The following KCNH7 variants were observed in gnomAD, a reference collection of about 807,000 sequenced individuals.
The protein encoded by KCNH7 is voltage-gated inwardly rectifying potassium channel KCNH7.
Under a neutral mutation model 120.8 loss-of-function variants are expected in KCNH7, and 49 were observed. The observed-to-expected ratio is 0.41, with a 90% CI of 0.32 to 0.51. The LOEUF (loss-of-function observed/expected upper bound fraction) is 0.51. Among genes scored for constraint, KCNH7 ranks in the 20% least tolerant of loss-of-function variants. The pLI is 0.38. For synonymous variants in KCNH7, 547 were observed against 516.1 expected, an observed-to-expected ratio of 1.06 and a Z score of -0.81; for missense variants, 1,097 against 1,446.6, an observed-to-expected ratio of 0.76 and a Z score of 3.92.
chr2:162,755,078 C>T (rs1688739552), intron 2 of KCNH7, among the ~76,000 whole-genome samples: 1 of 152,012 alleles, frequency 6.6e-6, no homozygotes, highest in Admixed American at 6.6e-5. Flanking sequence ...AGAACAACAG[C>T]AACAAAAATT....
intron 2 of KCNH7, among the ~76,000 whole-genome samples, chr2:162,547,775 C>G (rs1271153202): frequency 7.0e-6 from 1 of 142,234 alleles, no homozygotes; most frequent in East Asian, 2.2e-4. Context: ...ACACAAAGCT[C>G]TATATTGTCC....
At chr2:162,729,620 C>A (rs943173071) in intron 2 of KCNH7, among the ~76,000 whole-genome samples, 1 of 151,990 alleles carries the variant, frequency 6.6e-6, no homozygotes, top group African/African-American at 2.4e-5. Context: ...CTTTTAATTT[C>A]TTTTTCCATG....
At chr2:162,464,504 C>T (rs16846743) in intron 6 of KCNH7, among the ~76,000 whole-genome samples, 14,227 of 151,954 alleles carry the variant, frequency 0.094, 967 homozygotes, top group African/African-American at 0.19. Context: ...GCAACTATCA[C>T]TTTCTTTCTA....
chr2:162,379,262 T>C (rs1272038657), intron 14 of KCNH7, among the ~76,000 whole-genome samples: 1 of 152,172 alleles, frequency 6.6e-6, no homozygotes, highest in Non-Finnish European at 1.5e-5. Flanking sequence ...TTCAATCTTT[T>C]TGACCACTTT....
chr2:162,641,750 TGTA>T (rs1684164615), intron 2 of KCNH7, among the ~76,000 whole-genome samples: 1 of 152,170 alleles, frequency 6.6e-6, no homozygotes, highest in South Asian at 2.1e-4. Context: ...GGTGCTATCT[TGTA>T]GTATAGTTTT....
chr2:162,423,629 A>C, intron 8 of KCNH7, 94 bp from the exon 9 acceptor site: 3 of 1,105,650 alleles, frequency 2.7e-6, no homozygotes, highest in Non-Finnish European at 3.9e-6. Flanking sequence ...TGATTATCTC[A>C]ATCTAGTGGG....
intron 2 of KCNH7, among the ~76,000 whole-genome samples, chr2:162,756,955 T>C (rs981974010): frequency 6.6e-6 from 1 of 152,164 alleles, no homozygotes; most frequent in East Asian, 1.9e-4. Context: ...ATATCAATTT[T>C]TTAAAGCCTA....
chr2:162,738,067 C>CAAAAAATA (rs1687982004), intron 2 of KCNH7, among the ~76,000 whole-genome samples: 1 of 56,026 alleles, frequency 1.8e-5, no homozygotes, highest in Non-Finnish European at 4.0e-5. Context: ...GACTTCATAT[C>CAAAAAATA]AAAAAAAAAA....
At position 162,373,620 on chromosome 2, in the gene KCNH7, C is replaced by A; in HGVS notation, c.3174G>T (p.Gln1058His). The change falls in exon 15 of 16, where the codon CAG (glutamine) becomes CAT (histidine). Residue 1058 changes from glutamine (Q) to histidine (H), a missense_variant. Physicochemically the swap from Gln to His is conservative, Grantham distance 24. This residue lies in a region of KCNH7 where 406 missense variants were observed against 410.5 expected (regional missense o/e 0.99). Transcript: ENST00000332142. ...QMTTDIQTILQLLQKQTTVVP... is the reference protein window; with the variant it reads ...QMTTDIQTILHLLQKQTTVVP... ...CCACAGTGGTTTGTTTCTGCAGCAA[C>A]TGTAAGATGGTCTGGATGTCAGTGG... The A allele has an allele frequency of 3.2e-6, 5 of 1,560,670 alleles. No individual in the cohort carries two copies. Among genetic ancestry groups the A allele is most frequent in the Non-Finnish European group, 3.5e-6 (4 of 1,151,994 alleles).
At chr2:162,784,941 T>C (rs949683297) in intron 2 of KCNH7, 1 of 152,242 alleles carries the variant, frequency 6.6e-6, no homozygotes, top group Admixed American at 6.5e-5. Context: ...TAGAGTTAAT[T>C]CTACACTAGC....
chr2:162,397,885 T>G (rs889830543), intron 10 of KCNH7, among the ~76,000 whole-genome samples: 1 of 151,714 alleles, frequency 6.6e-6, no homozygotes. Flanking sequence ...TTGAATGAAG[T>G]GGAGGGAGGG....
At chr2:162,436,846 G>A (rs202047176) in intron 7 of KCNH7, among the ~76,000 whole-genome samples, 1 of 152,078 alleles carries the variant, frequency 6.6e-6, no homozygotes, top group African/African-American at 2.4e-5. Context: ...GTGGTGGCTT[G>A]TGCCTATAAT....
At chr2:162,748,435 C>T (rs1331808028) in intron 2 of KCNH7, among the ~76,000 whole-genome samples, 1 of 152,076 alleles carries the variant, frequency 6.6e-6, no homozygotes, top group Non-Finnish European at 1.5e-5. Flanking sequence ...TTTTTCAGTG[C>T]CTAGTCAAGC....
chr2:162,374,167 A>G (rs942525974), intron 14 of KCNH7, among the ~76,000 whole-genome samples: 7 of 152,276 alleles, frequency 4.6e-5, no homozygotes, highest in East Asian at 3.9e-4. Context: ...AGTATTGTAT[A>G]TTATTCATTG....
At chr2:162,788,988 T>TAAAAAAAAAA (rs61348204) in intron 2 of KCNH7, among the ~76,000 whole-genome samples, 1 of 105,166 alleles carries the variant, frequency 9.5e-6, no homozygotes, top group Admixed American at 1.0e-4. Context: ...AGGTACTGGT[T>TAAAAAAAAAA]AAAAAAAAAA....
chr2:162,560,967 G>A (rs1693042269), intron 2 of KCNH7, among the ~76,000 whole-genome samples: 1 of 152,088 alleles, frequency 6.6e-6, no homozygotes, highest in African/African-American at 2.4e-5. Context: ...GTCCACAAGG[G>A]TGTCTGATGT....
At chr2:162,762,705 G>C (rs10177745) in intron 2 of KCNH7, among the ~76,000 whole-genome samples, 86,095 of 151,864 alleles carry the variant, frequency 0.57, 27,548 homozygotes, top group Non-Finnish European at 0.73. Context: ...TTTAGTCATA[G>C]TGTCAGTATA....
chr2:162,634,151 C>T lies in KCNH7; in HGVS notation c.308-97071G>A, dbSNP rs368302693. On this transcript the variant is annotated intron_variant, in intron 2 of 15. Transcript: ENST00000332142. ...TACTCATCGCTGTGTACTATAAGGA[C>T]ATTGTTTTCCTTTAGCAGCAGCAGT... Among the ~76,000 whole-genome samples the T allele has an allele frequency of 4.6e-5, 7 of 152,142 alleles. No homozygotes were observed. In the East Asian group the frequency reaches 7.7e-4, roughly 17 times the overall value.
intron 2 of KCNH7, among the ~76,000 whole-genome samples, chr2:162,677,795 T>C (rs908830178): frequency 6.6e-6 from 1 of 151,468 alleles, no homozygotes; most frequent in Admixed American, 6.6e-5. Flanking sequence ...GTGGGAATCT[T>C]AGTTGCTTCA....
Sources: allele counts gnomAD v4.1 joint callset (sites outside exome capture counted in the v4.1 genomes callset), GRCh38; gene constraint gnomAD v4.1.1; regional missense constraint gnomAD v4.1.1; transcripts MANE v1.5; gene names NCBI Gene and HGNC (gene_info 2026-07-23, HGNC 2026-07-21).